STIM1: variants seen among roughly 807,000 people sequenced by gnomAD.
The protein encoded by STIM1 is stromal interaction molecule 1.
Under a neutral mutation model 74.7 loss-of-function variants are expected in STIM1, and 25 were observed. The observed-to-expected ratio is 0.33, with a 90% CI of 0.24 to 0.47. The LOEUF (loss-of-function observed/expected upper bound fraction) is 0.47, where lower values mean the gene tolerates loss of function less well. STIM1 is among the 20% of genes least tolerant of loss of function. The pLI is 1.00. For synonymous variants in STIM1, 328 were observed against 348.8 expected, an observed-to-expected ratio of 0.94 and a Z score of 0.66; for missense variants, 728 against 920.8, an observed-to-expected ratio of 0.79 and a Z score of 2.71.
rs1192201343 is a variant in STIM1 at position 4,046,525 on chromosome 11, A to T, written c.386-9001A>T. 3.3e-5 allele frequency among the ~76,000 whole-genome samples: 5 copies of T among 152,248 alleles called. No homozygotes were observed. The East Asian group carries it at 7.7e-4, about 24-fold the overall frequency. ...CAGAGCTTTCCTTCTGAACTCCAGCATCTTCTTGAGGACATTAAGAGATTG... is the reference window on the plus strand; with the variant it reads ...CAGAGCTTTCCTTCTGAACTCCAGCTTCTTCTTGAGGACATTAAGAGATTG... On this transcript the variant is annotated intron_variant, in intron 3 of 12. Transcript: ENST00000526596.
At chr11:3,984,629 T>C (rs965244010) in intron 2 of STIM1, among the ~76,000 whole-genome samples, 1 of 152,216 alleles carries the variant, frequency 6.6e-6, no homozygotes, top group Non-Finnish European at 1.5e-5. Context: ...GTCCTAACTT[T>C]TGTGAGTTTA....
upstream of STIM1, chr11:3,855,007 C>T (rs1187010979): frequency 4.6e-5 from 7 of 152,294 alleles, no homozygotes; most frequent in South Asian, 2.1e-4. Context: ...AGCAGGCCCT[C>T]CCAGGAGCGC....
chr11:4,023,900 G>T lies in STIM1; in HGVS notation c.298G>T (p.Asp100Tyr). ...CCTGAGGGAAGACCTCAATTACCAT[G>T]ACCCAACAGTGAAACACAGCACCTT... ...EFLREDLNYH[D>Y]PTVKHSTFHG... The change falls in exon 3 of 13, where the codon GAC becomes TAC. Residue 100 changes from aspartate (D) to tyrosine (Y), a missense_variant. Coordinates refer to ENST00000526596, the MANE Select transcript of STIM1 (RefSeq NM_001382567.1). The T allele has an allele frequency of 6.2e-7, 1 of 1,613,942 alleles. No homozygotes were observed. Among genetic ancestry groups the T allele is most frequent in the South Asian group, 1.1e-5 (1 of 91,032 alleles).
intron 5 of STIM1, among the ~76,000 whole-genome samples, chr11:4,067,784 G>A (rs1004801994): frequency 1.3e-5 from 2 of 152,132 alleles, no homozygotes; most frequent in African/African-American, 4.8e-5. Context: ...TTTCTTATAC[G>A]GATTAAGGGA....
intron 3 of STIM1, among the ~76,000 whole-genome samples, chr11:4,026,617 T>A (rs1395756631): frequency 3.3e-5 from 5 of 152,180 alleles, no homozygotes; most frequent in Admixed American, 3.3e-4. Flanking sequence ...ATTCATGCAT[T>A]ACCATGGCCT....
chr11:4,023,606 G>A (rs1565151936), intron 2 of STIM1, among the ~76,000 whole-genome samples: 1 of 152,072 alleles, frequency 6.6e-6, no homozygotes, highest in Non-Finnish European at 1.5e-5. Context: ...TAACTGTCAT[G>A]TATTGTCTTT....
intron 2 of STIM1, among the ~76,000 whole-genome samples, chr11:3,991,854 G>A (rs2093614305): frequency 6.7e-6 from 1 of 148,362 alleles, no homozygotes; most frequent in Admixed American, 6.8e-5. Context: ...GAAGGCTGAG[G>A]CAGGAGAATC....
At chr11:4,049,357 C>G (rs2094219617) in intron 3 of STIM1, among the ~76,000 whole-genome samples, 1 of 146,932 alleles carries the variant, frequency 6.8e-6, no homozygotes, top group Admixed American at 6.8e-5. Context: ...CAGGCTCTCA[C>G]TCTGTTGCCC....
At chr11:4,001,778 AGAC>A (rs887598064) in intron 2 of STIM1, among the ~76,000 whole-genome samples, 10 of 149,308 alleles carry the variant, frequency 6.7e-5, no homozygotes, top group African/African-American at 2.2e-4. Flanking sequence ...TCCAATTAAA[AGAC>A]ACAGACTGGC....
chr11:4,091,212 C>G, intron 12 of STIM1, 70 bp from the exon 13 acceptor site: 1 of 1,606,760 alleles, frequency 6.2e-7, no homozygotes, highest in Non-Finnish European at 8.5e-7. Flanking sequence ...TCCCTCTCTC[C>G]TCTTCGCCTT....
At position 4,089,331 on chromosome 11, in the gene STIM1, T is replaced by TA. The variant is rs200175096; in HGVS notation, c.1635-1950dup. Among the ~76,000 whole-genome samples the TA allele has an allele frequency of 5.0e-3, 764 of 152,212 alleles. 3 individuals carry two copies. The highest frequency in any genetic ancestry group is 0.017 in the African/African-American group (712 of 41,554). On this transcript the variant is annotated intron_variant, in intron 12 of 12. Coordinates refer to ENST00000526596, the MANE Select transcript of STIM1 (RefSeq NM_001382567.1). ...CCTCCTGATTTCTCCTCCTTGGTGTTAGAGAGGGTAGGATCCCAGAATCTT... is the reference window on the plus strand; with the variant it reads ...CCTCCTGATTTCTCCTCCTTGGTGTTAAGAGAGGGTAGGATCCCAGAATCTT...
intron 2 of STIM1, among the ~76,000 whole-genome samples, chr11:3,970,761 A>G (rs1275585451): frequency 2.0e-5 from 3 of 152,208 alleles, no homozygotes; most frequent in Non-Finnish European, 4.4e-5. Flanking sequence ...AAAAAAAAAG[A>G]AGTTAAATAC....
intron 1 of STIM1, among the ~76,000 whole-genome samples, chr11:3,882,817 AT>A (rs1409889923): frequency 2.6e-5 from 4 of 151,958 alleles, no homozygotes; most frequent in Admixed American, 6.6e-5. Context: ...AAAGTTTGTT[AT>A]TTTTTTTATT....
intron 2 of STIM1, among the ~76,000 whole-genome samples, chr11:4,013,863 C>T (rs1016326784): frequency 1.3e-5 from 2 of 151,792 alleles, no homozygotes; most frequent in African/African-American, 4.8e-5. Flanking sequence ...CGCCACCATG[C>T]CTGGCTAATT....
At chr11:3,906,111 A>AG (rs2092461567) in intron 1 of STIM1, among the ~76,000 whole-genome samples, 1 of 152,228 alleles carries the variant, frequency 6.6e-6, no homozygotes, top group Non-Finnish European at 1.5e-5. Context: ...GAGGAAAAAA[A>AG]GAATCAGCTT....
intron 2 of STIM1, among the ~76,000 whole-genome samples, chr11:3,984,572 C>T (rs142868563): frequency 3.5e-4 from 53 of 152,264 alleles, no homozygotes; most frequent in African/African-American, 1.2e-3. Context: ...GTTTATAGGC[C>T]GCAACTTCCA....
intron 3 of STIM1, among the ~76,000 whole-genome samples, chr11:4,050,444 A>G (rs1044432805): frequency 1.3e-5 from 2 of 152,244 alleles, no homozygotes; most frequent in Non-Finnish European, 2.9e-5. Flanking sequence ...GGATGCACCA[A>G]TTGGGACAGT....
At chr11:4,057,946 A>G (rs1311610296) in intron 4 of STIM1, among the ~76,000 whole-genome samples, 5 of 152,060 alleles carry the variant, frequency 3.3e-5, no homozygotes, top group African/African-American at 1.2e-4. Context: ...TGAATGAGGT[A>G]TTGTATGTAA....
intron 3 of STIM1, among the ~76,000 whole-genome samples, chr11:4,053,773 G>GA (rs927924787): frequency 1.1e-4 from 17 of 148,208 alleles, no homozygotes; most frequent in East Asian, 2.0e-4. Context: ...CGACCAAATA[G>GA]AAAAAAAAAA....
Sources: allele counts gnomAD v4.1 joint callset (sites outside exome capture counted in the v4.1 genomes callset), GRCh38; gene constraint gnomAD v4.1.1; transcripts MANE v1.5; gene names NCBI Gene and HGNC (gene_info 2026-07-23, HGNC 2026-07-21).